Variants in NALCN observed in about 807,000 individuals in gnomAD.
NALCN encodes sodium leak channel, non-selective, also known as sodium leak channel NALCN.
Under a neutral mutation model 225.3 loss-of-function variants are expected in NALCN, and 111 were observed. That is an observed-to-expected ratio of 0.49 (90% CI 0.42 to 0.58). The LOEUF is 0.58. Ranked by LOEUF, NALCN falls within the 20% of genes least tolerant of loss-of-function variation. The pLI is 0.00. For synonymous variants in NALCN, 764 were observed against 769.0 expected (o/e 0.99, Z 0.11); for missense variants, 1,378 against 2,202.4 (o/e 0.63, Z 7.49).
At chr13:101,144,251 G>A (rs1243363694) in intron 16 of NALCN, among the ~76,000 whole-genome samples, 1 of 152,134 alleles carries the variant, frequency 6.6e-6, no homozygotes, top group Non-Finnish European at 1.5e-5. Context: ...AAAACGCCAC[G>A]GTTCTTCTTT....
At chr13:101,273,586 C>T (rs1461798666) in intron 10 of NALCN, among the ~76,000 whole-genome samples, 1 of 151,966 alleles carries the variant, frequency 6.6e-6, no homozygotes, top group Non-Finnish European at 1.5e-5. Context: ...AAACAATATA[C>T]CCTTTAGAAA....
intron 7 of NALCN, among the ~76,000 whole-genome samples, chr13:101,321,203 C>T (rs1435564305): frequency 6.6e-6 from 1 of 151,694 alleles, no homozygotes; most frequent in Admixed American, 6.6e-5. Context: ...ATCCTATAAC[C>T]TTAAAATAAA....
At chr13:101,388,689 A>C (rs1313281151) in intron 3 of NALCN, among the ~76,000 whole-genome samples, 1 of 152,246 alleles carries the variant, frequency 6.6e-6, no homozygotes, top group African/African-American at 2.4e-5. Context: ...GACAACTAGC[A>C]GAATGCCTAC....
At chr13:101,279,867 A>G (rs1314347439) in intron 10 of NALCN, among the ~76,000 whole-genome samples, 1 of 150,188 alleles carries the variant, frequency 6.7e-6, no homozygotes. Flanking sequence ...AAATAAATAA[A>G]TAAATAAATA....
intron 34 of NALCN, among the ~76,000 whole-genome samples, chr13:101,078,487 T>A (rs1393524142): frequency 1.3e-5 from 2 of 152,118 alleles, no homozygotes; most frequent in Non-Finnish European, 2.9e-5. Context: ...TCAAAGGAGA[T>A]TATTTTGGAA....
intron 6 of NALCN, 21 bp from the exon 7 acceptor site, chr13:101,345,441 T>C: frequency 6.2e-7 from 1 of 1,605,670 alleles, no homozygotes; most frequent in Non-Finnish European, 8.5e-7. Flanking sequence ...CACATGAAAG[T>C]GTTAGACAAT....
intron 7 of NALCN, among the ~76,000 whole-genome samples, chr13:101,320,025 G>A (rs935668773): frequency 2.0e-5 from 3 of 152,110 alleles, no homozygotes; most frequent in South Asian, 2.1e-4. Flanking sequence ...TGTTCTTTCT[G>A]CCCATCTCAT....
At chr13:101,282,648 AC>A (rs1172009505) in intron 10 of NALCN, among the ~76,000 whole-genome samples, 2 of 151,912 alleles carry the variant, frequency 1.3e-5, no homozygotes, top group East Asian at 1.9e-4. Flanking sequence ...CTTAAGTGTT[AC>A]CCCCCACCCC....
intron 11 of NALCN, among the ~76,000 whole-genome samples, chr13:101,250,067 T>C (rs763078431): frequency 6.6e-6 from 1 of 152,082 alleles, no homozygotes; most frequent in Non-Finnish European, 1.5e-5. Flanking sequence ...AAAAAATTAA[T>C]ATTATTCCTA....
intron 34 of NALCN, among the ~76,000 whole-genome samples, chr13:101,081,065 G>A (rs2033622780): frequency 6.6e-6 from 1 of 152,140 alleles, no homozygotes; most frequent in South Asian, 2.1e-4. Flanking sequence ...AACAGTGGAA[G>A]CACTTGAGAA....
intron 12 of NALCN, among the ~76,000 whole-genome samples, chr13:101,237,533 C>T (rs2041606404): frequency 6.6e-6 from 1 of 151,648 alleles, no homozygotes; most frequent in Admixed American, 6.6e-5. Flanking sequence ...TACATTGTTT[C>T]TGTGAATTTT....
chr13:101,391,948 C>T (rs2047158614), intron 3 of NALCN, among the ~76,000 whole-genome samples: 1 of 150,706 alleles, frequency 6.6e-6, no homozygotes, highest in African/African-American at 2.5e-5. Context: ...TGAACCACTG[C>T]ACTCCAGCCT....
At position 101,395,030 on chromosome 13, in the gene NALCN, G is replaced by A. The variant is rs1231763489; in HGVS notation, c.291+153C>T. ...TAGTCTCATGCAACAATTTCTCCCA[G>A]TCTCTGGAGTTATGCCTTTTTAAAA... is the stretch of plus-strand genomic sequence containing the variant. On this transcript the variant is annotated intron_variant, in intron 3 of 43. Transcript: ENST00000251127. 2.0e-5 allele frequency among the ~76,000 whole-genome samples: 3 copies of A among 152,144 alleles called. No homozygotes were observed. The East Asian group carries it at 5.8e-4, about 29-fold the overall frequency.
chr13:101,233,443 C>T (rs2041430174), intron 12 of NALCN, among the ~76,000 whole-genome samples: 1 of 151,788 alleles, frequency 6.6e-6, no homozygotes, highest in African/African-American at 2.4e-5. Flanking sequence ...CGGGTTCACA[C>T]CATTCTCCTG....
intron 41 of NALCN, among the ~76,000 whole-genome samples, chr13:101,060,181 A>C (rs958700498): frequency 1.6e-4 from 24 of 151,554 alleles, no homozygotes; most frequent in African/African-American, 4.9e-4. Context: ...TTGACTTCCC[A>C]GTCCATTTTC....
intron 26 of NALCN, 95 bp downstream of exon 26, chr13:101,103,077 G>C (rs2034909118): frequency 5.5e-6 from 8 of 1,443,624 alleles, no homozygotes; most frequent in Middle Eastern, 1.9e-4. Flanking sequence ...CAAAACTATT[G>C]AATTGACCTC....
chr13:101,197,865 T>C (rs2039953231), intron 13 of NALCN, among the ~76,000 whole-genome samples: 1 of 152,084 alleles, frequency 6.6e-6, no homozygotes, highest in Non-Finnish European at 1.5e-5. Flanking sequence ...AAAAGGGAAA[T>C]TACAAAGTCA....
At chr13:101,065,656 A>C in intron 39 of NALCN, 95 bp from the exon 40 acceptor site, 1 of 1,461,634 alleles carries the variant, frequency 6.8e-7, no homozygotes, top group Non-Finnish European at 9.1e-7. Context: ...ATTTCTCAAA[A>C]GCTAGCATAA....
At chr13:101,287,159 T>C (rs1785557116) in intron 9 of NALCN, among the ~76,000 whole-genome samples, 3 of 152,236 alleles carry the variant, frequency 2.0e-5, no homozygotes, top group African/African-American at 7.2e-5. Context: ...AAGCGGACTT[T>C]CTTGGTCAGA....
Sources: gnomAD v4.1 joint callset for allele counts (sites outside exome capture counted in the v4.1 genomes callset) on GRCh38, gnomAD v4.1.1 for gene constraint, MANE v1.5 for transcripts, NCBI Gene and HGNC (gene_info 2026-07-23, HGNC 2026-07-21) for gene names.